TENM3: variants seen among roughly 807,000 people sequenced by gnomAD.
The protein encoded by TENM3 is teneurin-3.
Under a neutral mutation model 255.1 loss-of-function variants are expected in TENM3, and 63 were observed. The ratio of observed to expected loss-of-function variants is 0.25; its 90% CI spans 0.20 to 0.30. TENM3 has a LOEUF of 0.30. TENM3 is among the 10% of genes least tolerant of loss of function. The probability of loss-of-function intolerance (pLI) is 1.00; values close to 1 mark genes in which losing one functional copy is unlikely to be tolerated. For missense variants in TENM3, 2,929 were observed against 3,461.1 expected, an observed-to-expected ratio of 0.85 and a Z score of 3.86; for synonymous variants, 1,306 against 1,322.3, an observed-to-expected ratio of 0.99 and a Z score of 0.27.
At chr4:181,613,548 G>A in the TENM3 span, among the ~76,000 whole-genome samples, 12 of 152,184 alleles carry the variant, frequency 7.9e-5, no homozygotes, top group Non-Finnish European at 1.3e-4. Context: ...CTACTGTGCT[G>A]GGAACAGACT....
the TENM3 span, among the ~76,000 whole-genome samples, chr4:181,772,046 C>T: frequency 6.6e-6 from 1 of 152,084 alleles, no homozygotes; most frequent in Non-Finnish European, 1.5e-5. Flanking sequence ...TACTGTATAA[C>T]AGGTATTATG....
the TENM3 span, among the ~76,000 whole-genome samples, chr4:181,582,165 C>T: frequency 1.3e-5 from 2 of 152,198 alleles, no homozygotes; most frequent in African/African-American, 4.8e-5. Context: ...TTCACCAGCT[C>T]ATGATGGCAG....
rs1213611624 is a variant in TENM3, at chr4:182,225,979, C to A, written c.-76+81225C>A. On this transcript the variant is annotated intron_variant, in intron 1 of 2. Transcript: ENST00000512480. ...CTTGAAATATCATCCAAGTAAGGAA[C>A]CATCGGGAAATACAGACCAAGGGCA... is the stretch of plus-strand genomic sequence containing the variant. Among the ~76,000 whole-genome samples the A allele has an allele frequency of 5.9e-5, 9 of 152,100 alleles. No homozygotes were observed. The South Asian group carries it at 1.9e-3, about 32-fold the overall frequency.
chr4:181,684,289 T>C, the TENM3 span, among the ~76,000 whole-genome samples: 1 of 152,292 alleles, frequency 6.6e-6, no homozygotes, highest in Non-Finnish European at 1.5e-5. Flanking sequence ...ATTTTACAGA[T>C]ACAAAAGTAG....
chr4:181,568,121 C>T, the TENM3 span, among the ~76,000 whole-genome samples: 1 of 151,552 alleles, frequency 6.6e-6, no homozygotes, highest in African/African-American at 2.4e-5. Context: ...CCTGTTTTCT[C>T]CATAGGAAGG....
intron 3 of TENM3, among the ~76,000 whole-genome samples, chr4:182,593,972 TAAA>T (rs76793472): frequency 7.1e-6 from 1 of 141,480 alleles, no homozygotes; most frequent in African/African-American, 2.6e-5. Context: ...CTTTTAGTCT[TAAA>T]AAAAAAAAAA....
the TENM3 span, among the ~76,000 whole-genome samples, chr4:181,941,379 T>C: frequency 6.6e-6 from 1 of 152,072 alleles, no homozygotes; most frequent in Admixed American, 6.5e-5. Context: ...CTATGCTGCA[T>C]TCTGGATGAC....
rs779157802 is a variant in TENM3 at position 182,730,264 on chromosome 4, G to A, written c.2650G>A (p.Val884Ile). The change falls in exon 15 of 28, where the codon GTC (valine) becomes ATC (isoleucine). Residue 884 changes from valine (V) to isoleucine (I), a missense_variant. Physicochemically the swap from Val to Ile is conservative, Grantham distance 29. This residue lies in a region of TENM3 where 1,608 missense variants were observed against 1,884.4 expected (regional missense o/e 0.85). Transcript: ENST00000511685. ...ADGTPLIGVN[V>I]SFFHYPEYGY... ...TGGAACTCCACTTATTGGAGTAAATGTCTCGTTTTTCCATTACCCAGAATA... is the reference window on the plus strand; with the variant it reads ...TGGAACTCCACTTATTGGAGTAAATATCTCGTTTTTCCATTACCCAGAATA... 2 of 1,613,850 alleles carry A rather than the reference G, an allele frequency of 1.2e-6. No individual in the cohort carries two copies. Among genetic ancestry groups the A allele is most frequent in the South Asian group, 1.1e-5 (1 of 91,074 alleles).
chr4:181,745,764 A>G, the TENM3 span, among the ~76,000 whole-genome samples: 1 of 152,192 alleles, frequency 6.6e-6, no homozygotes, highest in Non-Finnish European at 1.5e-5. Flanking sequence ...AAAATGCATG[A>G]AATTGTGATT....
intron 3 of TENM3, among the ~76,000 whole-genome samples, chr4:182,389,054 A>G (rs1768219568): frequency 6.6e-6 from 1 of 152,236 alleles, no homozygotes. Context: ...CTGAAGTTAT[A>G]TATGAAGAAG....
chr4:181,893,486 T>TCC, the TENM3 span, among the ~76,000 whole-genome samples: 7 of 11,366 alleles, frequency 6.2e-4, no homozygotes, highest in South Asian at 6.0e-3. Context: ...CACTTTCCCC[T>TCC]GCCCACCCCC....
chr4:182,654,289 T>A (rs1753573167), intron 6 of TENM3, among the ~76,000 whole-genome samples: 1 of 152,218 alleles, frequency 6.6e-6, no homozygotes, highest in Non-Finnish European at 1.5e-5. Context: ...ATAAAAGCAT[T>A]TAAATGCAAA....
At chr4:182,630,335 G>A (rs571782193) in intron 5 of TENM3, among the ~76,000 whole-genome samples, 1 of 152,232 alleles carries the variant, frequency 6.6e-6, no homozygotes, top group South Asian at 2.1e-4. Context: ...TCTAGTATTC[G>A]GTTAGAAAAT....
At chr4:182,457,558 CTT>C (rs768197836) in intron 3 of TENM3, among the ~76,000 whole-genome samples, 1 of 115,238 alleles carries the variant, frequency 8.7e-6, no homozygotes, top group Non-Finnish European at 1.7e-5. Context: ...TCATGTATAT[CTT>C]TTTTTTTTTT....
At chr4:181,843,740 G>A in the TENM3 span, among the ~76,000 whole-genome samples, 4 of 110,016 alleles carry the variant, frequency 3.6e-5, no homozygotes, top group African/African-American at 1.4e-4. Context: ...TTTTTTTTGA[G>A]ACGGAGTCTC....
the TENM3 span, among the ~76,000 whole-genome samples, chr4:181,987,295 CA>C: frequency 6.6e-6 from 1 of 152,116 alleles, no homozygotes; most frequent in Non-Finnish European, 1.5e-5. Context: ...GAAATATGAA[CA>C]AAGCTTCCTT....
chr4:181,735,941 C>A, the TENM3 span, among the ~76,000 whole-genome samples: 3 of 152,146 alleles, frequency 2.0e-5, no homozygotes, highest in African/African-American at 7.2e-5. Context: ...ATAAATGCTA[C>A]GTGTGATTTT....
chr4:182,361,171 A>C (rs911109958), intron 3 of TENM3, among the ~76,000 whole-genome samples: 18 of 151,978 alleles, frequency 1.2e-4, no homozygotes, highest in African/African-American at 4.1e-4. Context: ...CCTTCATTTC[A>C]ACTTTGGTGA....
the TENM3 span, among the ~76,000 whole-genome samples, chr4:181,835,526 C>T: frequency 1.3e-5 from 2 of 152,104 alleles, no homozygotes; most frequent in African/African-American, 4.8e-5. Context: ...GACAACTTAC[C>T]GCAAGTGATG....
Sources: gnomAD v4.1 joint callset for allele counts (sites outside exome capture counted in the v4.1 genomes callset) on GRCh38, gnomAD v4.1.1 for gene constraint, gnomAD v4.1.1 regional missense constraint, MANE v1.5 for transcripts, NCBI Gene and HGNC (gene_info 2026-07-23, HGNC 2026-07-21) for gene names.